The following KIF5C variants were observed in gnomAD, a reference collection of about 807,000 sequenced individuals.
KIF5C encodes the protein kinesin heavy chain isoform 5C.
A neutral mutation model predicts 125.2 loss-of-function variants in KIF5C; 18 were observed. The ratio of observed to expected loss-of-function variants is 0.14; its 90% CI spans 0.10 to 0.21. The LOEUF (loss-of-function observed/expected upper bound fraction) is 0.21. KIF5C is among the 10% of genes least tolerant of loss of function. The pLI, the probability that KIF5C is intolerant of heterozygous loss-of-function variation, is 1.00. For synonymous variants in KIF5C, 405 were observed against 434.0 expected, an observed-to-expected ratio of 0.93 and a Z score of 0.83; for missense variants, 780 against 1,183.8, an observed-to-expected ratio of 0.66 and a Z score of 5.01.
intron 16 of KIF5C, 41 bp from the exon 17 acceptor site, chr2:148,994,380 C>G: frequency 6.5e-7 from 1 of 1,543,692 alleles, no homozygotes; most frequent in Non-Finnish European, 8.8e-7. Flanking sequence ...CCTGGATGAC[C>G]ACTTGCTAGT....
intron 1 of KIF5C, among the ~76,000 whole-genome samples, chr2:148,919,140 G>T (rs1232641639): frequency 6.6e-6 from 1 of 152,210 alleles, no homozygotes; most frequent in East Asian, 1.9e-4. Flanking sequence ...TAGAGGACAT[G>T]TGAATCTGGA....
chr2:148,875,716 TA>T lies in KIF5C; in HGVS notation c.102del (p.Gly35AlafsTer6). 6.2e-7 allele frequency: 1 copy of T among 1,603,972 alleles called. No individual in the cohort carries two copies. ...LRGDKFIPKFKGDETVVIGQG... is the reference protein window; with the variant it reads ...LRGDKFIPKFXGDETVVIGQG... ...GCGGGGACAAATTCATCCCCAAATT[TA>T]AAGGCGATGAGACCGTGGTGATCGG... On this transcript the variant is annotated frameshift_variant, in exon 1 of 26. Coordinates refer to ENST00000435030, the MANE Select transcript of KIF5C (RefSeq NM_004522.3). LOFTEE classifies it high-confidence loss of function.
At chr2:148,956,812 G>A (rs1483588832) in intron 10 of KIF5C, among the ~76,000 whole-genome samples, 3 of 152,136 alleles carry the variant, frequency 2.0e-5, no homozygotes, top group Non-Finnish European at 4.4e-5. Flanking sequence ...ATACATTGAG[G>A]GCTCTGATTG....
chr2:149,004,667 G>A (rs2105192099), intron 21 of KIF5C, among the ~76,000 whole-genome samples: 1 of 152,290 alleles, frequency 6.6e-6, no homozygotes, highest in South Asian at 2.1e-4. Flanking sequence ...TATGAAATAT[G>A]CATCAATAAA....
At chr2:148,964,229 C>T (rs1341326868) in intron 11 of KIF5C, among the ~76,000 whole-genome samples, 64 of 151,536 alleles carry the variant, frequency 4.2e-4, no homozygotes, top group Admixed American at 4.2e-3. Flanking sequence ...GAGCCGAGAA[C>T]CCACCATTGT....
intron 1 of KIF5C, among the ~76,000 whole-genome samples, chr2:148,904,250 T>C (rs1681014045): frequency 6.6e-6 from 1 of 152,246 alleles, no homozygotes; most frequent in African/African-American, 2.4e-5. Flanking sequence ...AAGTTTAAAA[T>C]TGCTGTGTCT....
chr2:148,875,575 G>GGGCCCCCCCCCCC lies in KIF5C; in HGVS notation c.-43_-42insGGCCCCCCCCCCC. ...TCCTCCCTCGTCGTTCCCGGCCCCG[G>GGGCCCCCCCCCCC]CCCCCCACCCATCCCCGTGCCCCCT... On this transcript the variant is annotated 5_prime_UTR_variant, in exon 1 of 26. Transcript: ENST00000435030. The GGGCCCCCCCCCCC allele has an allele frequency of 2.9e-6, 2 of 699,600 alleles. No individual in the cohort carries two copies. Among genetic ancestry groups the GGGCCCCCCCCCCC allele is most frequent in the Middle Eastern group, 3.9e-4 (1 of 2,532 alleles). The allele number at this position is 699,600 out of a possible 1,614,324, so 43.3% of individuals were successfully genotyped here.
chr2:148,959,554 C>T (rs1039083608), intron 10 of KIF5C, among the ~76,000 whole-genome samples: 2 of 152,176 alleles, frequency 1.3e-5, no homozygotes, highest in Non-Finnish European at 2.9e-5. Context: ...GAAGGCCCCG[C>T]TTGCCCCATT....
intron 1 of KIF5C, among the ~76,000 whole-genome samples, chr2:148,919,201 C>T (rs979764359): frequency 2.0e-5 from 3 of 152,114 alleles, no homozygotes; most frequent in African/African-American, 4.8e-5. Flanking sequence ...ACATGTAACT[C>T]AAGAGTGTAG....
intron 19 of KIF5C, among the ~76,000 whole-genome samples, chr2:148,999,487 A>C (rs1217928375): frequency 1.3e-5 from 2 of 152,194 alleles, no homozygotes; most frequent in African/African-American, 4.8e-5. Context: ...AACCCAAGCA[A>C]AAGTCTAAAT....
chr2:148,947,909 T>C (rs1429829862), intron 8 of KIF5C: 2 of 456,610 alleles, frequency 4.4e-6, no homozygotes, highest in Non-Finnish European at 8.8e-6. Context: ...CCCCACTTAT[T>C]GCACTACATC....
rs1266836648 is a variant in KIF5C at position 148,876,316 on chromosome 2, G to T, written c.126+573G>T. Among the ~76,000 whole-genome samples the T allele has an allele frequency of 6.6e-6, 1 of 152,232 alleles. No individual in the cohort carries two copies. The highest frequency in any genetic ancestry group is 1.5e-5 in the Non-Finnish European group (1 of 68,026). On this transcript the variant is annotated intron_variant, in intron 1 of 25. Transcript: ENST00000435030. This position sits in a 1 kb window ranked among gnomAD's most constrained non-coding sequence, Gnocchi z 4.7. ...CCTGGCTCCGCGCGCGGAAGGCGGA[G>T]GGTTGGGGGAGTACTGGTGGCCTCG...
chr2:148,938,440 C>CT (rs1682337526), intron 4 of KIF5C, among the ~76,000 whole-genome samples: 1 of 152,168 alleles, frequency 6.6e-6, no homozygotes, highest in South Asian at 2.1e-4. Context: ...ACAGTCCCTG[C>CT]TTTTCTGCCC....
chr2:148,882,749 C>T (rs182343241), intron 1 of KIF5C, among the ~76,000 whole-genome samples: 1 of 152,310 alleles, frequency 6.6e-6, no homozygotes, highest in East Asian at 1.9e-4. Flanking sequence ...CAGCCCCTGT[C>T]TCCCCATTCT....
At chr2:148,983,063 A>C (rs1681281411) in intron 14 of KIF5C, among the ~76,000 whole-genome samples, 1 of 152,238 alleles carries the variant, frequency 6.6e-6, no homozygotes, top group Non-Finnish European at 1.5e-5. Flanking sequence ...TTTTGAAAAA[A>C]GGTGAAGGGT....
chr2:148,892,979 T>C (rs1681748543), intron 1 of KIF5C, among the ~76,000 whole-genome samples: 1 of 152,238 alleles, frequency 6.6e-6, no homozygotes, highest in African/African-American at 2.4e-5. Context: ...TTTTTTCTTA[T>C]CTTATTGCAT....
chr2:148,877,074 C>A (rs527414995), intron 1 of KIF5C, among the ~76,000 whole-genome samples: 4 of 152,224 alleles, frequency 2.6e-5, no homozygotes, highest in Admixed American at 2.0e-4. Context: ...TTTTCCAGCC[C>A]GGGCGGTCCC....
rs202039159 is a variant in KIF5C at position 149,011,665 on chromosome 2, T to C, written c.2863T>C (p.Tyr955His). The C allele has an allele frequency of 3.3e-4, 540 of 1,614,050 alleles. 2 individuals carry two copies. In the African/African-American group the frequency reaches 6.6e-3, roughly 20 times the overall value. The change falls in exon 25 of 26, where the codon TAC becomes CAC. Residue 955 changes from tyrosine (Y) to histidine (H), a missense_variant. By Grantham distance (83) the Tyr-to-His change is moderately conservative. Transcript: ENST00000435030. ...AGGCAGCTCTTCAAATTCCACTCAC[T>C]ACCAGAAATAAATACAAAGTGAGTC... ...GGGSSSNSTH[Y>H]QK
chr2:148,960,351 G>A (rs978483743), intron 10 of KIF5C, among the ~76,000 whole-genome samples: 1 of 152,138 alleles, frequency 6.6e-6, no homozygotes, highest in Admixed American at 6.5e-5. Context: ...AAGCATTTTA[G>A]CCATGAGTTA....
Sources: gnomAD v4.1 joint callset for allele counts (sites outside exome capture counted in the v4.1 genomes callset) on GRCh38, gnomAD v4.1.1 for gene constraint, Gnocchi (gnomAD v3.1) non-coding constraint, MANE v1.5 for transcripts, NCBI Gene and HGNC (gene_info 2026-07-23, HGNC 2026-07-21) for gene names.